The following OR4D2 variants were observed in gnomAD, a reference collection of about 807,000 sequenced individuals.
OR4D2 encodes the protein olfactory receptor 4D2.
Under a neutral mutation model 12.4 loss-of-function variants are expected in OR4D2, and 9 were observed. The observed-to-expected ratio is 0.73, with a 90% CI of 0.44 to 1.27. The LOEUF (loss-of-function observed/expected upper bound fraction) is 1.27. Among genes scored for constraint, OR4D2 ranks in the 50% most tolerant of loss-of-function variants. The pLI, the probability that OR4D2 is intolerant of heterozygous loss-of-function variation, is 0.00. For synonymous variants in OR4D2, 151 were observed against 151.1 expected (o/e 1.00, Z 0.01); for missense variants, 373 against 381.6 (o/e 0.98, Z 0.19).
At position 58,170,362 on chromosome 17, in the gene OR4D2, C is replaced by T. The variant is rs201239359; in HGVS notation, c.707C>T (p.Ala236Val). ...CATCCAGGGGAGGCAAGAAGGAAGG[C>T]AGCTTCCACCTGCACCACCCACATC... ...RSHPGEARRK[A>V]ASTCTTHIIV... Residue 236 changes from alanine (A) to valine (V), a missense_variant, in exon 2 of 2, where the codon GCA (alanine) becomes GTA (valine). Physicochemically the swap from Ala to Val is moderately conservative, Grantham distance 64. Transcript: ENST00000545221. The T allele has an allele frequency of 4.6e-5, 75 of 1,614,196 alleles. No individual in the cohort carries two copies. Among genetic ancestry groups the T allele is most frequent in the Non-Finnish European group, 6.2e-5 (73 of 1,180,018 alleles).
rs374849702 is a variant in OR4D2, at chr17:58,170,091, G to A, written c.436G>A (p.Val146Ile). 43 of 1,613,936 alleles carry A rather than the reference G, an allele frequency of 2.7e-5. No individual in the cohort carries two copies. The highest frequency in any genetic ancestry group is 1.1e-4 in the African/African-American group (8 of 74,900). ...MNTQLWVGLV[V>I]ATWVGGFVHS... Reference sequence around the variant, plus strand: ...CACTCAGCTCTGGGTGGGGCTGGTGGTAGCCACCTGGGTGGGAGGCTTTGT... The same window carrying A: ...CACTCAGCTCTGGGTGGGGCTGGTGATAGCCACCTGGGTGGGAGGCTTTGT... Residue 146 changes from valine (V) to isoleucine (I), a missense_variant, in exon 2 of 2, where the codon GTA becomes ATA. Coordinates refer to ENST00000545221, the MANE Select transcript of OR4D2 (RefSeq NM_001004707.4).
At chr17:58,167,735 C>G (rs945624005) in intron 1 of OR4D2, among the ~76,000 whole-genome samples, 14 of 150,200 alleles carry the variant, frequency 9.3e-5, no homozygotes, top group Non-Finnish European at 2.1e-4. Context: ...TGGAGTGAGG[C>G]CAGGCGCGGT....
intron 1 of OR4D2, among the ~76,000 whole-genome samples, chr17:58,168,470 A>C (rs1264599451): frequency 6.6e-6 from 1 of 151,722 alleles, no homozygotes; most frequent in Non-Finnish European, 1.5e-5. Flanking sequence ...CGCCTCCCAA[A>C]TTTCTGGGAC....
At position 58,169,787 on chromosome 17, in the gene OR4D2, T is replaced by A. The variant is rs1967936788; in HGVS notation, c.132T>A (p.Leu44=). The A allele has an allele frequency of 6.2e-7, 1 of 1,613,998 alleles. No homozygotes were observed. Among genetic ancestry groups the A allele is most frequent in the Admixed American group, 1.7e-5 (1 of 60,008 alleles). ...VYITTVMGNI[L]IIITVTSDSQ... ...TCACCACTGTTATGGGAAACATCCT[T>A]ATCATCATCACAGTGACCTCTGATT... Residue 44 remains leucine, a synonymous_variant, in exon 2 of 2, where the codon CTT becomes CTA. Transcript: ENST00000545221.
intron 1 of OR4D2, among the ~76,000 whole-genome samples, chr17:58,168,682 G>A (rs984761216): frequency 1.3e-5 from 2 of 152,062 alleles, no homozygotes; most frequent in Non-Finnish European, 2.9e-5. Context: ...GTAACATCTT[G>A]TAAAATTCCT....
At chr17:58,168,772 T>G (rs903523160) in intron 1 of OR4D2, among the ~76,000 whole-genome samples, 4 of 152,172 alleles carry the variant, frequency 2.6e-5, no homozygotes, top group African/African-American at 9.7e-5. Flanking sequence ...TCCCTCCCTT[T>G]TCTCCCTCTT....
rs1198525078 is a variant in OR4D2, at chr17:58,169,670, C to T, written c.15C>T (p.Asn5=). ...GAGAAAACACCATGGAAACAGGGAA[C>T]CTCACGTGGGTATCAGACTTTGTCT... METG[N]LTWVSDFVFL... is the part of the protein sequence containing the mutation. Residue 5 remains asparagine (N), a synonymous_variant, in exon 2 of 2, where the codon AAC becomes AAT. Transcript: ENST00000545221. 5 of 1,613,774 alleles carry T rather than the reference C, an allele frequency of 3.1e-6. No individual in the cohort carries two copies. Among genetic ancestry groups the T allele is most frequent in the South Asian group, 1.1e-5 (1 of 91,074 alleles).
rs1458246151 is a variant in OR4D2 at position 58,170,233 on chromosome 17, C to T, written c.578C>T (p.Ser193Leu). The change falls in exon 2 of 2, where the codon TCA (serine) becomes TTA (leucine). Residue 193 changes from serine (S) to leucine (L), a missense_variant. Transcript: ENST00000545221. ...CTGAGACTTGCCTGCACTGACACCT[C>T]ACTGCTGGAGTTCCTCAAGATCTCC... Reference protein sequence around the residue: ...QVLRLACTDTSLLEFLKISNS... With the variant: ...QVLRLACTDTLLLEFLKISNS... The T allele has an allele frequency of 1.2e-6, 2 of 1,614,036 alleles. No homozygotes were observed. Among genetic ancestry groups the T allele is most frequent in the South Asian group, 1.1e-5 (1 of 91,084 alleles).
intron 1 of OR4D2, among the ~76,000 whole-genome samples, chr17:58,167,864 G>A (rs976469377): frequency 6.6e-6 from 1 of 151,764 alleles, no homozygotes; most frequent in African/African-American, 2.4e-5. Flanking sequence ...TTAGCCGGGC[G>A]AGGTGGTGGG....
intron 1 of OR4D2, among the ~76,000 whole-genome samples, chr17:58,169,223 T>C (rs1262029751): frequency 6.6e-6 from 1 of 152,266 alleles, no homozygotes; most frequent in Non-Finnish European, 1.5e-5. Flanking sequence ...TTTATATCTA[T>C]CATTCTACTT....
Position 58,170,672 on chromosome 17 carries a change from GA to G in OR4D2, c.*94del. 1.0e-6 allele frequency: 1 copy of G among 976,488 alleles called. No homozygotes were observed. The highest frequency in any genetic ancestry group is 1.6e-6 in the Non-Finnish European group (1 of 615,532). The allele number at this position is 976,488 out of a possible 1,614,324, so 60.5% of individuals were successfully genotyped here. A position where few individuals can be genotyped will look rare whatever the true frequency, so the allele number is the denominator to read the frequency against. Reference sequence around the variant, plus strand: ...ACCTTTGCTCTCTTCATAGTGTGTTGAGGTTCATCATAGCAGGGAATGAATT... The same window carrying G: ...ACCTTTGCTCTCTTCATAGTGTGTTGGGTTCATCATAGCAGGGAATGAATT... On this transcript the variant is annotated 3_prime_UTR_variant, in exon 2 of 2. Transcript: ENST00000545221.
chr17:58,169,590 G>T, intron 1 of OR4D2, 48 bp from the exon 2 acceptor site: 1 of 1,346,302 alleles, frequency 7.4e-7, no homozygotes, highest in Admixed American at 1.7e-5. Context: ...GCCCTGAAAG[G>T]GAAAGTAGTG....
intron 1 of OR4D2, 112 bp from the exon 2 acceptor site, chr17:58,169,526 T>C (rs1967931521): frequency 1.4e-6 from 1 of 731,954 alleles, no homozygotes; most frequent in African/African-American, 1.8e-5. Flanking sequence ...TATAATGGTC[T>C]ACACATAAGG....
intron 1 of OR4D2, among the ~76,000 whole-genome samples, chr17:58,168,396 C>T (rs1056954095): frequency 6.6e-6 from 1 of 151,826 alleles, no homozygotes; most frequent in Non-Finnish European, 1.5e-5. Context: ...AGTACAGATC[C>T]GGAGTTTCAC....
At chr17:58,168,075 A>C (rs1967912081) in intron 1 of OR4D2, among the ~76,000 whole-genome samples, 1 of 148,366 alleles carries the variant, frequency 6.7e-6, no homozygotes, top group African/African-American at 2.5e-5. Flanking sequence ...GATTAGAATG[A>C]CCTATAATAT....
intron 1 of OR4D2, among the ~76,000 whole-genome samples, chr17:58,168,942 G>C (rs1003051718): frequency 6.6e-6 from 1 of 152,230 alleles, no homozygotes; most frequent in East Asian, 1.9e-4. Context: ...TCAACACCAA[G>C]AGCTTTTTAA....
In OR4D2 at chr17:58,170,480, C is replaced by T; in HGVS notation, c.825C>T (p.His275=). Residue 275 remains histidine, a synonymous_variant, in exon 2 of 2, where the codon CAC becomes CAT. Coordinates refer to ENST00000545221, the MANE Select transcript of OR4D2 (RefSeq NM_001004707.4). ...TGGACAAGCTTGTGTCCATCGGCCA[C>T]ACAGTCATGACCCCCATGCTCAACC... is the stretch of plus-strand genomic sequence containing the variant. The part of the protein sequence containing the change: ...FPMDKLVSIG[H]TVMTPMLNPM... 6.2e-7 allele frequency: 1 copy of T among 1,614,196 alleles called. No individual in the cohort carries two copies. The highest frequency in any genetic ancestry group is 8.5e-7 in the Non-Finnish European group (1 of 1,180,034).
In OR4D2 at chr17:58,170,747, T is replaced by C. The variant is rs1967956484; in HGVS notation, c.*168T>C. The C allele has an allele frequency of 3.2e-6, 2 of 627,748 alleles. No individual in the cohort carries two copies. The highest frequency in any genetic ancestry group is 5.7e-6 in the Non-Finnish European group (2 of 353,186). 38.9% of individuals were successfully genotyped at this position (627,748 alleles called of 1,614,324 possible). On this transcript the variant is annotated 3_prime_UTR_variant, in exon 2 of 2. Coordinates refer to ENST00000545221, the MANE Select transcript of OR4D2 (RefSeq NM_001004707.4). ...TTAGGAAAAAAGAAAGTATCCTCTT[T>C]GGTGGTTAAGGTTTGTGATAAAGAG...
intron 1 of OR4D2, among the ~76,000 whole-genome samples, chr17:58,168,845 C>A (rs1967924056): frequency 1.3e-5 from 2 of 152,228 alleles, no homozygotes; most frequent in Non-Finnish European, 2.9e-5. Flanking sequence ...GGCAGGGGAA[C>A]TACTGGATGT....
Sources: allele counts gnomAD v4.1 joint callset (sites outside exome capture counted in the v4.1 genomes callset), GRCh38; gene constraint gnomAD v4.1.1; transcripts MANE v1.5; gene names NCBI Gene and HGNC (gene_info 2026-07-23, HGNC 2026-07-21).